Variants in ANKS1B observed in about 807,000 individuals in gnomAD.
ANKS1B encodes the protein ankyrin repeat and sterile alpha motif domain containing 1B.
A neutral mutation model predicts 148.3 loss-of-function variants in ANKS1B; 36 were observed. The ratio of observed to expected loss-of-function variants is 0.24; its 90% CI spans 0.19 to 0.32. ANKS1B has a LOEUF of 0.32. Among genes scored for constraint, ANKS1B ranks in the 10% least tolerant of loss-of-function variants. ANKS1B has a pLI of 1.00. For missense variants in ANKS1B, 1,157 were observed against 1,542.6 expected (o/e 0.75, Z 4.19); for synonymous variants, 542 against 560.8 (o/e 0.97, Z 0.47).
At chr12:99,232,827 T>C (rs1207422965) in intron 14 of ANKS1B, among the ~76,000 whole-genome samples, 1 of 152,116 alleles carries the variant, frequency 6.6e-6, no homozygotes, top group African/African-American at 2.4e-5. Context: ...GCATGCACTC[T>C]AATGAGAAAG....
chr12:99,963,359 G>C (rs889265482), intron 1 of ANKS1B, among the ~76,000 whole-genome samples: 1 of 152,122 alleles, frequency 6.6e-6, no homozygotes, highest in African/African-American at 2.4e-5. Flanking sequence ...AGTTTAATTA[G>C]ATCCCATTTG....
chr12:98,761,243 C>T (rs2098399501), intron 25 of ANKS1B, among the ~76,000 whole-genome samples: 1 of 152,204 alleles, frequency 6.6e-6, no homozygotes, highest in Non-Finnish European at 1.5e-5. Flanking sequence ...TTGAGGCACC[C>T]TCTAGAACAC....
At chr12:98,956,244 A>C in intron 17 of ANKS1B, 1 of 151,944 alleles carries the variant, frequency 6.6e-6, no homozygotes, top group Admixed American at 6.6e-5. Context: ...TACCAACCCC[A>C]CTTCCAAACC....
At chr12:98,879,453 T>A (rs545005975) in intron 17 of ANKS1B, among the ~76,000 whole-genome samples, 2 of 152,342 alleles carry the variant, frequency 1.3e-5, no homozygotes, top group East Asian at 3.9e-4. Context: ...CCTCAATATG[T>A]CATTCATCCT....
chr12:99,335,324 CTCAAGCATTTATTATT>C (rs1226526341), intron 12 of ANKS1B, among the ~76,000 whole-genome samples: 1 of 151,938 alleles, frequency 6.6e-6, no homozygotes, highest in Non-Finnish European at 1.5e-5. Context: ...TATCCCTAAT[CTCAAGCATTTATTATT>C]TCTTTGTATT....
At position 99,122,180 on chromosome 12, in the gene ANKS1B, T is replaced by C. The variant is rs192523992; in HGVS notation, c.2526+32109A>G. 3.4e-3 allele frequency among the ~76,000 whole-genome samples: 521 copies of C among 152,154 alleles called. 5 individuals carry two copies. The highest frequency in any genetic ancestry group is 0.012 in the African/African-American group (494 of 41,500). On this transcript the variant is annotated intron_variant, in intron 15 of 26. Transcript: ENST00000683438. ...TTGTGAAAATGTTAATAAAATAATA[T>C]ATGGAAAAATAATATATTTGAATTT...
At chr12:99,740,047 A>T (rs556371114) in intron 8 of ANKS1B, among the ~76,000 whole-genome samples, 1 of 152,188 alleles carries the variant, frequency 6.6e-6, no homozygotes, top group East Asian at 1.9e-4. Flanking sequence ...ACAGTGGCTC[A>T]CACCTGCAAT....
chr12:99,066,732 C>T (rs2044478733), intron 16 of ANKS1B, among the ~76,000 whole-genome samples: 1 of 152,158 alleles, frequency 6.6e-6, no homozygotes, highest in Admixed American at 6.5e-5. Flanking sequence ...AAAGTAAAGG[C>T]AGCAAGAAGT....
intron 8 of ANKS1B, among the ~76,000 whole-genome samples, chr12:99,718,175 C>T (rs974949131): frequency 1.1e-4 from 16 of 152,244 alleles, no homozygotes; most frequent in Non-Finnish European, 1.9e-4. Flanking sequence ...GCTGGGATTA[C>T]AGGCGTGAGC....
intron 17 of ANKS1B, among the ~76,000 whole-genome samples, chr12:98,901,764 G>T (rs930203242): frequency 6.6e-6 from 1 of 152,160 alleles, no homozygotes; most frequent in Admixed American, 6.5e-5. Flanking sequence ...TGGAATCAAG[G>T]AGTCCCACGA....
At chr12:98,847,699 G>A (rs965965285) in intron 17 of ANKS1B, among the ~76,000 whole-genome samples, 1 of 152,062 alleles carries the variant, frequency 6.6e-6, no homozygotes, top group Non-Finnish European at 1.5e-5. Context: ...GGGTTCAAAC[G>A]ATTCTCCTGC....
intron 12 of ANKS1B, among the ~76,000 whole-genome samples, chr12:99,273,331 T>A (rs1028279331): frequency 6.6e-6 from 1 of 152,316 alleles, no homozygotes; most frequent in East Asian, 1.9e-4. Context: ...ACCAGAATAA[T>A]TATCTAAAAA....
intron 24 of ANKS1B, 47 bp from the exon 25 acceptor site, chr12:98,773,226 C>G (rs548621724): frequency 6.5e-7 from 1 of 1,548,334 alleles, no homozygotes; most frequent in East Asian, 2.3e-5. Flanking sequence ...TGCGAACCAG[C>G]ATATATGACA....
chr12:99,950,730 ACCC>A (rs577560759), intron 1 of ANKS1B, among the ~76,000 whole-genome samples: 2 of 148,976 alleles, frequency 1.3e-5, no homozygotes, highest in Non-Finnish European at 3.0e-5. Context: ...CCTCAAAACC[ACCC>A]CCCCCAATAA....
intron 12 of ANKS1B, among the ~76,000 whole-genome samples, chr12:99,328,193 A>C (rs749886039): frequency 6.6e-6 from 1 of 152,022 alleles, no homozygotes; most frequent in African/African-American, 2.4e-5. Context: ...GTTGAGTCCT[A>C]TATTTGCCCC....
At chr12:99,102,358 G>A (rs955257935) in intron 15 of ANKS1B, among the ~76,000 whole-genome samples, 2 of 152,186 alleles carry the variant, frequency 1.3e-5, no homozygotes, top group African/African-American at 4.8e-5. Context: ...AGTAAGGGAG[G>A]AGAAAATGTG....
intron 9 of ANKS1B, chr12:99,648,085 C>T: frequency 6.6e-7 from 1 of 1,517,502 alleles, no homozygotes; most frequent in Non-Finnish European, 8.8e-7. Flanking sequence ...GCCCACCTGC[C>T]AGAGTAGCCA....
chr12:99,979,144 T>G (rs1278869025), intron 1 of ANKS1B, among the ~76,000 whole-genome samples: 2 of 151,948 alleles, frequency 1.3e-5, no homozygotes. Flanking sequence ...ACATAAAATG[T>G]AGAGGAAGAA....
chr12:99,056,157 T>C (rs548135836), intron 16 of ANKS1B, among the ~76,000 whole-genome samples: 23 of 152,198 alleles, frequency 1.5e-4, no homozygotes, highest in Non-Finnish European at 3.2e-4. Flanking sequence ...CTGATGAATG[T>C]TGTGGAAATG....
Sources: allele counts gnomAD v4.1 joint callset (sites outside exome capture counted in the v4.1 genomes callset), GRCh38; gene constraint gnomAD v4.1.1; transcripts MANE v1.5; gene names NCBI Gene and HGNC (gene_info 2026-07-23, HGNC 2026-07-21).